The following TRAK1 variants were observed in gnomAD, a reference collection of about 807,000 sequenced individuals.
TRAK1 encodes trafficking kinesin-binding protein 1.
In TRAK1, 33 loss-of-function variants were observed where a neutral mutation model predicts 92.1. The ratio of observed to expected loss-of-function variants is 0.36; its 90% confidence interval spans 0.27 to 0.48. TRAK1 has a LOEUF of 0.48. Ranked by LOEUF, TRAK1 falls within the 20% of genes least tolerant of loss-of-function variation. The probability of loss-of-function intolerance (pLI) is 0.99; values close to 1 mark genes in which losing one functional copy is unlikely to be tolerated. For synonymous variants in TRAK1, 521 were observed against 517.3 expected (o/e 1.01, Z -0.10); for missense variants, 1,123 against 1,257.9 (o/e 0.89, Z 1.62).
chr3:42,100,989 A>G (rs2149014820), intron 1 of TRAK1, among the ~76,000 whole-genome samples: 1 of 152,368 alleles, frequency 6.6e-6, no homozygotes, highest in Middle Eastern at 3.4e-3. Context: ...ACTTTAAATT[A>G]GCTGTGTGTT....
chr3:42,218,956 TAGAC>T, intron 14 of TRAK1: 2 of 985,210 alleles, frequency 2.0e-6, no homozygotes, highest in Non-Finnish European at 2.4e-6. Context: ...CAATCACAAA[TAGAC>T]AGTAGTGGAG....
At chr3:42,085,164 A>C (rs775191523), upstream of TRAK1, among the ~76,000 whole-genome samples, 8 of 151,872 alleles carry the variant, frequency 5.3e-5, no homozygotes, top group Non-Finnish European at 1.0e-4. Flanking sequence ...AATCTGAAAA[A>C]AAATCATTTT....
intron 2 of TRAK1, among the ~76,000 whole-genome samples, chr3:42,140,774 T>C (rs2149216292): frequency 6.6e-6 from 1 of 152,332 alleles, no homozygotes; most frequent in South Asian, 2.1e-4. Context: ...GGACGGAAGG[T>C]TAGGAAGCCT....
intron 10 of TRAK1, among the ~76,000 whole-genome samples, chr3:42,198,600 A>T (rs1213924725): frequency 6.6e-6 from 1 of 152,242 alleles, no homozygotes; most frequent in African/African-American, 2.4e-5. Flanking sequence ...AGACCCTCTC[A>T]CTAGCACAGA....
intron 2 of TRAK1, among the ~76,000 whole-genome samples, chr3:42,143,937 G>A (rs1471378670): frequency 9.9e-5 from 15 of 151,936 alleles, no homozygotes; most frequent in African/African-American, 7.3e-5. Flanking sequence ...CTTGAAGCTC[G>A]TAAAAATCAC....
intron 3 of TRAK1, among the ~76,000 whole-genome samples, chr3:42,183,954 A>T (rs1194200341): frequency 6.6e-6 from 1 of 152,096 alleles, no homozygotes; most frequent in Non-Finnish European, 1.5e-5. Context: ...GGCTCTGCCT[A>T]ATTGATGCCA....
chr3:42,148,345 G>T (rs1489677855), intron 2 of TRAK1, among the ~76,000 whole-genome samples: 1 of 152,154 alleles, frequency 6.6e-6, no homozygotes, highest in Non-Finnish European at 1.5e-5. Flanking sequence ...ATAGTGCTGA[G>T]GTTGAGAGAC....
In TRAK1 at chr3:42,221,071, CTTTTTTTTTTT is replaced by C. The variant is rs369421571; in HGVS notation, c.2066+1487_2066+1497del. ...GGGAAGTCAGTAGCAAGAGAAGGCT[CTTTTTTTTTTT>C]TTTTTTTTTTTGGCTTGAGTTTGAA... On this transcript the variant is annotated intron_variant, in intron 15 of 15. Coordinates refer to ENST00000327628, the MANE Select transcript of TRAK1 (RefSeq NM_001042646.3). 1.2e-4 allele frequency among the ~76,000 whole-genome samples: 10 copies of C among 85,408 alleles called. No homozygotes were observed. In the South Asian group the frequency reaches 2.1e-3, roughly 18 times the overall value. 56.0% of individuals were successfully genotyped at this position (85,408 alleles called of 152,430 possible). A position where few individuals can be genotyped will look rare whatever the true frequency, so the allele number is the denominator to read the frequency against.
intron 1 of TRAK1, among the ~76,000 whole-genome samples, chr3:42,076,303 G>A (rs985207435): frequency 3.0e-5 from 4 of 133,278 alleles, no homozygotes; most frequent in African/African-American, 1.2e-4. Context: ...TCGGCTCATG[G>A]CAACCTCTGC....
intron 1 of TRAK1, among the ~76,000 whole-genome samples, chr3:42,053,430 C>A: frequency 7.0e-6 from 1 of 141,974 alleles, no homozygotes; most frequent in Non-Finnish European, 1.5e-5. Context: ...ACCCTTAGGG[C>A]AAATGACTGT....
chr3:42,130,931 C>T (rs1373539468), intron 2 of TRAK1, among the ~76,000 whole-genome samples: 2 of 152,180 alleles, frequency 1.3e-5, no homozygotes, highest in African/African-American at 4.8e-5. Context: ...CTCCTCACCA[C>T]TCTAGAGTTG....
chr3:42,178,697 G>A (rs1017782637), intron 3 of TRAK1, among the ~76,000 whole-genome samples: 2 of 152,096 alleles, frequency 1.3e-5, no homozygotes, highest in East Asian at 3.9e-4. Flanking sequence ...CTCCTGGCCT[G>A]GTGCAGTGTC....
intron 1 of TRAK1, among the ~76,000 whole-genome samples, chr3:42,068,144 A>G (rs1401322527): frequency 1.3e-5 from 2 of 151,566 alleles, no homozygotes; most frequent in Admixed American, 6.6e-5. Flanking sequence ...TGGGCAAGAG[A>G]GCGAGACTCT....
rs377574781 is a variant in TRAK1 at position 42,223,194 on chromosome 3, C to T, written c.2319C>T (p.Pro773=). The T allele has an allele frequency of 7.4e-6, 12 of 1,614,068 alleles. No homozygotes were observed. In the African/African-American group the frequency reaches 1.5e-4, roughly 20 times the overall value. The change falls in exon 16 of 16, where the codon CCC becomes CCT. Residue 773 remains proline, a synonymous_variant. Coordinates refer to ENST00000327628, the MANE Select transcript of TRAK1 (RefSeq NM_001042646.3). This position sits in a 1 kb window ranked among gnomAD's most constrained non-coding sequence, Gnocchi z 6.1. The stretch of plus-strand genomic sequence containing the variant: ...GCTCCCTCCTGCACTCCTACACGCC[C>T]AAGATGGCTGTGATCCCCTCTACTC... The part of the protein sequence containing the change: ...GRGSLLHSYT[P]KMAVIPSTPP...
chr3:42,219,786 G>GTTTTTTTTTTT (rs397989334), intron 15 of TRAK1, among the ~76,000 whole-genome samples, 190 bp downstream of exon 15: 2 of 63,496 alleles, frequency 3.1e-5, no homozygotes, highest in African/African-American at 4.3e-5. Flanking sequence ...GTTGTTATGT[G>GTTTTTTTTTTT]TTTTTTTTTT....
At chr3:42,051,299 T>C (rs1231136810) in intron 1 of TRAK1, 1 of 152,294 alleles carries the variant, frequency 6.6e-6, no homozygotes, top group Non-Finnish European at 1.5e-5. Flanking sequence ...TCTCATCATA[T>C]CTGTCATTGT....
At chr3:42,026,100 C>A (rs1386246187) in intron 1 of TRAK1, among the ~76,000 whole-genome samples, 1 of 152,024 alleles carries the variant, frequency 6.6e-6, no homozygotes, top group Non-Finnish European at 1.5e-5. Context: ...TTCTCCCTGT[C>A]TCTCCCTCCA....
intron 6 of TRAK1, among the ~76,000 whole-genome samples, chr3:42,189,340 G>A (rs1362983680): frequency 1.3e-5 from 2 of 152,184 alleles, no homozygotes; most frequent in African/African-American, 2.4e-5. Flanking sequence ...CCTGGTGAAT[G>A]ACATGGTGTG....
intron 1 of TRAK1, among the ~76,000 whole-genome samples, chr3:42,022,444 G>C (rs1036378077): frequency 2.6e-5 from 4 of 152,158 alleles, no homozygotes; most frequent in African/African-American, 9.7e-5. Context: ...ATAACTGGCC[G>C]GGTGTAGCAG....
Sources: gnomAD v4.1 joint callset for allele counts (sites outside exome capture counted in the v4.1 genomes callset) on GRCh38, gnomAD v4.1.1 for gene constraint, Gnocchi (gnomAD v3.1) non-coding constraint, MANE v1.5 for transcripts, NCBI Gene and HGNC (gene_info 2026-07-23, HGNC 2026-07-21) for gene names.